The following MCPH1 variants were observed in gnomAD, a reference collection of about 807,000 sequenced individuals.
The protein encoded by MCPH1 is microcephalin 1, also known as microcephalin.
MCPH1 carries 104 observed loss-of-function variants against 84.5 expected under a neutral mutation model. The observed-to-expected ratio is 1.23, with a 90% CI of 1.05 to 1.45. MCPH1 has a LOEUF of 1.45. Ranked by LOEUF, MCPH1 falls within the 40% of genes most tolerant of loss-of-function variation. The pLI, the probability that MCPH1 is intolerant of heterozygous loss-of-function variation, is 0.00. For missense variants in MCPH1, 1,498 were observed against 1,005.7 expected (o/e 1.49, Z -6.62); for synonymous variants, 514 against 366.8 (o/e 1.40, Z -4.58).
chr8:6,491,488 A>G (rs1316723104), intron 11 of MCPH1, among the ~76,000 whole-genome samples: 2 of 116,718 alleles, frequency 1.7e-5, no homozygotes, highest in African/African-American at 6.7e-5. Flanking sequence ...TTTTTTTTTT[A>G]TTATACTTTA....
At chr8:6,510,905 G>T (rs1317486803) in intron 12 of MCPH1, among the ~76,000 whole-genome samples, 2 of 152,208 alleles carry the variant, frequency 1.3e-5, no homozygotes, top group Non-Finnish European at 2.9e-5. Flanking sequence ...TCAAAAGTGA[G>T]ACTGGCCGTA....
At chr8:6,586,681 G>T (rs1828012765) in intron 12 of MCPH1, among the ~76,000 whole-genome samples, 1 of 152,138 alleles carries the variant, frequency 6.6e-6, no homozygotes, top group Non-Finnish European at 1.5e-5. Flanking sequence ...AGTATCAAGG[G>T]ACAAAGCTGA....
intron 9 of MCPH1, among the ~76,000 whole-genome samples, chr8:6,475,177 C>T (rs964523752): frequency 6.6e-6 from 1 of 152,182 alleles, no homozygotes; most frequent in African/African-American, 2.4e-5. Flanking sequence ...GAGACAATAG[C>T]TGCTTTGAAA....
Position 6,621,495 on chromosome 8 carries a change from C to A in MCPH1, c.2256C>A (p.Arg752=). 6.2e-7 allele frequency: 1 copy of A among 1,614,148 alleles called. No individual in the cohort carries two copies. Among genetic ancestry groups the A allele is most frequent in the South Asian group, 1.1e-5 (1 of 91,072 alleles). Residue 752 remains arginine, a synonymous_variant, in exon 13 of 14, where the codon CGC becomes CGA. Coordinates refer to ENST00000344683, the MANE Select transcript of MCPH1 (RefSeq NM_024596.5). ...GCCACTTGTCTGCAGGGCCGTACCG[C>A]GGAACCCTCTTTGCCGACCAGCCAG... ...SECHLSAGPY[R]GTLFADQPAM... is the part of the protein sequence containing the mutation.
At chr8:6,456,895 TGG>T (rs932516598) in intron 9 of MCPH1, among the ~76,000 whole-genome samples, 2 of 152,160 alleles carry the variant, frequency 1.3e-5, no homozygotes, top group African/African-American at 4.8e-5. Context: ...GGCGGGAGTG[TGG>T]CCCCTTCTTC....
rs1491342925 is a variant in MCPH1, at chr8:6,505,446, TAC to T, written c.2214+5519_2214+5520del. On this transcript the variant is annotated intron_variant, in intron 12 of 13. Coordinates refer to ENST00000344683, the MANE Select transcript of MCPH1 (RefSeq NM_024596.5). ...ATAAAGAATATATATATTCTTTATA[TAC>T]ATATAGAATATATATATTCTTTACA... Among the ~76,000 whole-genome samples the T allele has an allele frequency of 8.8e-4, 69 of 78,306 alleles. 4 individuals are homozygous for T. The highest frequency in any genetic ancestry group is 3.4e-3 in the African/African-American group (68 of 20,018). The allele number at this position is 78,306 out of a possible 152,430, so 51.4% of individuals were successfully genotyped here.
At chr8:6,419,364 G>A (rs1436309410) in intron 3 of MCPH1, among the ~76,000 whole-genome samples, 1 of 151,136 alleles carries the variant, frequency 6.6e-6, no homozygotes, top group Admixed American at 6.6e-5. Context: ...GGGACTGTAG[G>A]CATGTGCCAC....
chr8:6,575,719 G>A (rs1045141392), intron 12 of MCPH1, among the ~76,000 whole-genome samples: 1 of 152,194 alleles, frequency 6.6e-6, no homozygotes, highest in Non-Finnish European at 1.5e-5. Flanking sequence ...CTGGAGTGGA[G>A]TGGGCCCCTA....
chr8:6,510,794 G>C (rs192018638), intron 12 of MCPH1, among the ~76,000 whole-genome samples: 1 of 152,210 alleles, frequency 6.6e-6, no homozygotes, highest in African/African-American at 2.4e-5. Flanking sequence ...GTGGAGTTCT[G>C]TAAGTGTTGC....
At chr8:6,591,782 G>A (rs754022723) in intron 12 of MCPH1, among the ~76,000 whole-genome samples, 76 of 152,058 alleles carry the variant, frequency 5.0e-4, no homozygotes, top group Admixed American at 8.5e-4. Flanking sequence ...GGACAACTTC[G>A]TCTAACCCCC....
intron 12 of MCPH1, among the ~76,000 whole-genome samples, chr8:6,520,422 C>T (rs540215100): frequency 1.3e-5 from 2 of 152,230 alleles, no homozygotes; most frequent in Admixed American, 1.3e-4. Flanking sequence ...CCCTTCAGGC[C>T]ATTATCCCAC....
At chr8:6,487,133 T>C (rs7008940) in intron 11 of MCPH1, among the ~76,000 whole-genome samples, 3,218 of 152,338 alleles carry the variant, frequency 0.021, 113 homozygotes, top group African/African-American at 0.074. Flanking sequence ...AATAGAGATT[T>C]AAAGCTAATT....
At chr8:6,583,349 T>C (rs1303498449) in intron 12 of MCPH1, among the ~76,000 whole-genome samples, 1 of 152,136 alleles carries the variant, frequency 6.6e-6, no homozygotes, top group Non-Finnish European at 1.5e-5. Context: ...TCCTCAGATG[T>C]TATAAATAAT....
At chr8:6,473,093 A>C (rs1807966674) in intron 9 of MCPH1, among the ~76,000 whole-genome samples, 1 of 152,178 alleles carries the variant, frequency 6.6e-6, no homozygotes, top group South Asian at 2.1e-4. Flanking sequence ...ATACAGAAAA[A>C]AGAATAAGCC....
At chr8:6,447,521 C>A in intron 8 of MCPH1, 2 of 676,884 alleles carry the variant, frequency 3.0e-6, no homozygotes, top group Non-Finnish European at 3.7e-6. Flanking sequence ...GGGAACTGAG[C>A]GAGAAACAAT....
chr8:6,466,293 CGCCT>C (rs1806933969), intron 9 of MCPH1, among the ~76,000 whole-genome samples: 1 of 151,420 alleles, frequency 6.6e-6, no homozygotes, highest in African/African-American at 2.4e-5. Context: ...CGTTCCATCA[CGCCT>C]GGCTAATTTT....
At chr8:6,565,895 T>C (rs1258865699) in intron 12 of MCPH1, among the ~76,000 whole-genome samples, 1 of 152,142 alleles carries the variant, frequency 6.6e-6, no homozygotes, top group Non-Finnish European at 1.5e-5. Flanking sequence ...GTTCCGAACA[T>C]GGAAGGAACA....
intron 3 of MCPH1, among the ~76,000 whole-genome samples, chr8:6,420,898 C>A (rs575096709): frequency 2.0e-4 from 31 of 152,176 alleles, no homozygotes; most frequent in African/African-American, 7.5e-4. Context: ...GAGACTGACG[C>A]AAGGGTCAGA....
intron 12 of MCPH1, among the ~76,000 whole-genome samples, chr8:6,540,515 C>T (rs1485506788): frequency 6.6e-6 from 1 of 152,246 alleles, no homozygotes; most frequent in Admixed American, 6.5e-5. Flanking sequence ...CGTGCAGCCT[C>T]ATGGCACGTT....
Sources: allele counts gnomAD v4.1 joint callset (sites outside exome capture counted in the v4.1 genomes callset), GRCh38; gene constraint gnomAD v4.1.1; transcripts MANE v1.5; gene names NCBI Gene and HGNC (gene_info 2026-07-23, HGNC 2026-07-21).